The following PUM2 variants were observed in gnomAD, a reference collection of about 807,000 sequenced individuals.
PUM2 encodes pumilio homolog 2.
Under a neutral mutation model 124.5 loss-of-function variants are expected in PUM2, and 57 were observed. That is an observed-to-expected ratio of 0.46 (90% confidence interval 0.37 to 0.57). PUM2 has a LOEUF of 0.57. Ranked by LOEUF, PUM2 falls within the 20% of genes least tolerant of loss-of-function variation. PUM2 has a pLI of 0.00. For missense variants in PUM2, 1,065 were observed against 1,290.6 expected (o/e 0.83, Z 2.68); for synonymous variants, 460 against 446.1 (o/e 1.03, Z -0.39).
chr2:20,345,734 T>C (rs190154745), intron 1 of PUM2, among the ~76,000 whole-genome samples: 2 of 152,122 alleles, frequency 1.3e-5, no homozygotes, highest in Admixed American at 6.5e-5. Context: ...TAGCCGGGCA[T>C]GGTGGTGGGC....
intron 13 of PUM2, among the ~76,000 whole-genome samples, chr2:20,272,989 T>C (rs940688947): frequency 2.0e-5 from 3 of 152,356 alleles, no homozygotes; most frequent in African/African-American, 7.2e-5. Flanking sequence ...TTCATTTTTA[T>C]GTTATTTGGC....
chr2:20,311,653 T>A lies in PUM2; in HGVS notation c.359A>T (p.Asp120Val). The A allele has an allele frequency of 1.2e-6, 2 of 1,612,438 alleles. No homozygotes were observed. The highest frequency in any genetic ancestry group is 1.7e-6 in the Non-Finnish European group (2 of 1,179,404). ...TTTCTCAGGTCCATCTGTTTCAGCA[T>A]CTCTAGTGCCCTGAGGAAAAAGAAT... The part of the protein sequence containing the change: ...RFRKGNFGTR[D>V]AETDGPEKGD... Residue 120 changes from aspartate to valine, a missense_variant, in exon 5 of 21, where the codon GAT becomes GTT. Around this residue, in one of 3 missense-constraint regions of PUM2, gnomAD observed 968 missense variants for 1,159.8 expected, o/e 0.83. Coordinates refer to ENST00000361078, the MANE Select transcript of PUM2 (RefSeq NM_015317.5).
intron 14 of PUM2, among the ~76,000 whole-genome samples, chr2:20,261,531 A>T (rs893242290): frequency 2.6e-5 from 2 of 76,042 alleles, no homozygotes; most frequent in Admixed American, 1.3e-4. Context: ...CCACTTGTTT[A>T]AAAAAAAAAA....
In PUM2 at chr2:20,274,876, G is replaced by A. The variant is rs182198740; in HGVS notation, c.1957+3707C>T. 9.5e-3 allele frequency among the ~76,000 whole-genome samples: 1,334 copies of A among 140,106 alleles called. 8 individuals are homozygous for A. The highest frequency in any genetic ancestry group is 0.014 in the Non-Finnish European group (924 of 65,708). 91.9% of individuals were successfully genotyped at this position (140,106 alleles called of 152,430 possible). On this transcript the variant is annotated intron_variant, in intron 13 of 20. Coordinates refer to ENST00000361078, the MANE Select transcript of PUM2 (RefSeq NM_015317.5). ...TATTAGAAGAAGGAAAACAAGGAAAGAACTAGTCAGCTAGCTCCAGGTAGA... is the reference window on the plus strand; with the variant it reads ...TATTAGAAGAAGGAAAACAAGGAAAAAACTAGTCAGCTAGCTCCAGGTAGA...
chr2:20,294,432 C>T lies in PUM2; in HGVS notation c.1096G>A (p.Ala366Thr). 1.9e-6 allele frequency: 3 copies of T among 1,614,126 alleles called. No individual in the cohort carries two copies. The highest frequency in any genetic ancestry group is 2.5e-6 in the Non-Finnish European group (3 of 1,180,022). The change falls in exon 9 of 21, where the codon GCA becomes ACA. Residue 366 changes from alanine (A) to threonine (T), a missense_variant. Transcript: ENST00000361078. ...NLFQQQAAAA[A>T]NNTASQQAAS... Reference sequence around the variant, plus strand: ...GCTTGCTGACTGGCTGTGTTATTTGCCGCAGCTGCAGCTTGCTGCTGAAAT... The same window carrying T: ...GCTTGCTGACTGGCTGTGTTATTTGTCGCAGCTGCAGCTTGCTGCTGAAAT...
At position 20,330,153 on chromosome 2, in the gene PUM2, T is replaced by C. The variant is rs965416303; in HGVS notation, c.-18-2775A>G. On this transcript the variant is annotated intron_variant, in intron 1 of 20. Transcript: ENST00000361078. ...GACTGCTAACTTGGACCAGAAATAATGGGGCCCAGAACATACAGGACAAGA... is the reference window on the plus strand; with the variant it reads ...GACTGCTAACTTGGACCAGAAATAACGGGGCCCAGAACATACAGGACAAGA... Among the ~76,000 whole-genome samples, 21 of 152,032 alleles carry C rather than the reference T, an allele frequency of 1.4e-4. 1 individual carries two copies. The highest frequency in any genetic ancestry group is 4.6e-4 in the African/African-American group (19 of 41,378).
At chr2:20,308,138 A>G in intron 6 of PUM2, 67 bp from the exon 7 acceptor site, 2 of 1,549,266 alleles carry the variant, frequency 1.3e-6, no homozygotes. Context: ...AGAAATCTGA[A>G]TAAAACATTT....
At chr2:20,321,764 G>A (rs530690815) in intron 2 of PUM2, among the ~76,000 whole-genome samples, 18 of 152,166 alleles carry the variant, frequency 1.2e-4, no homozygotes, top group African/African-American at 3.6e-4. Context: ...TTAAGAAACC[G>A]TTAAGATCTA....
intron 7 of PUM2, among the ~76,000 whole-genome samples, chr2:20,307,269 T>C (rs1366354986): frequency 6.6e-6 from 1 of 152,018 alleles, no homozygotes; most frequent in African/African-American, 2.4e-5. Context: ...GGAAGCCTTA[T>C]TGCACTAACA....
At chr2:20,306,160 G>T (rs535406869) in intron 7 of PUM2, among the ~76,000 whole-genome samples, 1 of 152,090 alleles carries the variant, frequency 6.6e-6, no homozygotes, top group African/African-American at 2.4e-5. Flanking sequence ...AGCCAAGACT[G>T]CACCACTGCA....
chr2:20,345,497 G>C (rs932383357), intron 1 of PUM2, among the ~76,000 whole-genome samples: 4 of 152,030 alleles, frequency 2.6e-5, no homozygotes, highest in Admixed American at 1.3e-4. Flanking sequence ...TTCCTATAAA[G>C]GTCTTAAAAA....
At chr2:20,328,759 C>G (rs571718554) in intron 1 of PUM2, among the ~76,000 whole-genome samples, 1 of 152,164 alleles carries the variant, frequency 6.6e-6, no homozygotes, top group South Asian at 2.1e-4. Flanking sequence ...AACAAGATTT[C>G]TAATTTGAAG....
chr2:20,286,382 T>C (rs1672747242), intron 10 of PUM2, among the ~76,000 whole-genome samples: 2 of 152,192 alleles, frequency 1.3e-5, no homozygotes, highest in South Asian at 2.1e-4. Context: ...ATTCCCCTTA[T>C]TTTTTGGCCT....
intron 3 of PUM2, among the ~76,000 whole-genome samples, chr2:20,313,275 C>T (rs1428347683): frequency 6.6e-6 from 1 of 152,174 alleles, no homozygotes; most frequent in Non-Finnish European, 1.5e-5. Flanking sequence ...AACAGGCAAC[C>T]TACAGAATTT....
At chr2:20,344,251 T>C (rs1687784903) in intron 1 of PUM2, among the ~76,000 whole-genome samples, 1 of 151,970 alleles carries the variant, frequency 6.6e-6, no homozygotes, top group African/African-American at 2.4e-5. Context: ...CATTTCTTAT[T>C]GAGATGGGGT....
chr2:20,258,342 C>A lies in PUM2; in HGVS notation c.2385G>T (p.Leu795=), dbSNP rs1247444875. 6.2e-7 allele frequency: 1 copy of A among 1,612,374 alleles called. No homozygotes were observed. Among genetic ancestry groups the A allele is most frequent in the Non-Finnish European group, 8.5e-7 (1 of 1,178,994 alleles). Residue 795 remains leucine (L), a synonymous_variant, in exon 16 of 21, where the codon CTG becomes CTT. Coordinates refer to ENST00000361078, the MANE Select transcript of PUM2 (RefSeq NM_015317.5). ...GAACATGACCACGAATACGAGTAGC[C>A]AGGGCTAATTTTTGATCCAGACTCC... ...EFGSLDQKLA[L]ATRIRGHVLP... is the part of the protein sequence containing the mutation.
chr2:20,335,487 G>GT (rs2148982408), intron 1 of PUM2, among the ~76,000 whole-genome samples: 2 of 152,264 alleles, frequency 1.3e-5, no homozygotes, highest in South Asian at 4.1e-4. Flanking sequence ...CCAACTCTTG[G>GT]TAATTTCTTA....
At chr2:20,336,519 T>C (rs1020619941) in intron 1 of PUM2, among the ~76,000 whole-genome samples, 1 of 142,528 alleles carries the variant, frequency 7.0e-6, no homozygotes, top group African/African-American at 2.8e-5. Context: ...AAGATATAAT[T>C]TTTTTTTTTT....
At chr2:20,319,911 A>C (rs1681898611) in intron 2 of PUM2, among the ~76,000 whole-genome samples, 2 of 152,208 alleles carry the variant, frequency 1.3e-5, no homozygotes, top group African/African-American at 4.8e-5. Context: ...AATAACAAAT[A>C]GAAAGAACAA....
Sources: allele counts gnomAD v4.1 joint callset (sites outside exome capture counted in the v4.1 genomes callset), GRCh38; gene constraint gnomAD v4.1.1; regional missense constraint gnomAD v4.1.1; transcripts MANE v1.5; gene names NCBI Gene and HGNC (gene_info 2026-07-23, HGNC 2026-07-21).